Variants in FAT3 observed in about 807,000 individuals in gnomAD.
FAT3 encodes protocadherin Fat 3.
In FAT3, 95 loss-of-function variants were observed where a neutral mutation model predicts 310.2. That is an observed-to-expected ratio of 0.31 (90% CI 0.26 to 0.36). The LOEUF (loss-of-function observed/expected upper bound fraction) is 0.36, where lower values mean the gene tolerates loss of function less well. FAT3 is among the 10% of genes least tolerant of loss of function. The pLI is 1.00. For synonymous variants in FAT3, 2,314 were observed against 2,192.9 expected (o/e 1.06, Z -1.54); for missense variants, 5,408 against 5,715.6 (o/e 0.95, Z 1.74).
In FAT3 at chr11:92,563,047, T is replaced by G. The variant is rs559985270; in HGVS notation, c.3607+38099T>G. 2.6e-5 allele frequency among the ~76,000 whole-genome samples: 4 copies of G among 152,262 alleles called. No homozygotes were observed. The East Asian group carries it at 7.7e-4, about 29-fold the overall frequency. On this transcript the variant is annotated intron_variant, in intron 3 of 27. Coordinates refer to ENST00000525166, the MANE Select transcript of FAT3 (RefSeq NM_001367949.2). ...TAGTACATATGAATTGAAAAAAATT[T>G]TTTGAACAGCTTTGAATTTGGGGCC... is the stretch of plus-strand genomic sequence containing the variant.
chr11:92,411,107 T>A (rs952143969), intron 2 of FAT3, among the ~76,000 whole-genome samples: 14 of 35,482 alleles, frequency 3.9e-4, no homozygotes, highest in African/African-American at 8.7e-4. Flanking sequence ...ATATTATATA[T>A]AAAAATATAT....
rs747839668 is a variant in FAT3 at position 92,352,192 on chromosome 11, C to T, written c.80C>T (p.Ala27Val). Residue 27 changes from alanine to valine, a missense_variant, in exon 2 of 28, where the codon GCC (alanine) becomes GTC (valine). This residue lies in a region of FAT3 where 152 missense variants were observed against 188.3 expected (regional missense o/e 0.81). Coordinates refer to ENST00000525166, the MANE Select transcript of FAT3 (RefSeq NM_001367949.2). ...ATCCTCCTGCTTTTCAAGCTTTTGG[C>T]CACTGTCTCCCAGGGGCTGCCAGGG... ...CLILLLFKLL[A>V]TVSQGLPGTG... is the part of the protein sequence containing the mutation. 7.3e-7 allele frequency: 1 copy of T among 1,374,654 alleles called. No homozygotes were observed. The highest frequency in any genetic ancestry group is 9.7e-7 in the Non-Finnish European group (1 of 1,027,056). The allele number at this position is 1,374,654 out of a possible 1,614,324, so 85.2% of individuals were successfully genotyped here. A position where few individuals can be genotyped will look rare whatever the true frequency, so the allele number is the denominator to read the frequency against.
intron 1 of FAT3, chr11:92,336,073 A>T: frequency 2.0e-6 from 1 of 511,580 alleles, no homozygotes; most frequent in South Asian, 1.5e-5. Context: ...CTGGGGTTGA[A>T]GCAGTTGGAT....
At chr11:92,442,231 A>G (rs1402518444) in intron 2 of FAT3, among the ~76,000 whole-genome samples, 2 of 145,398 alleles carry the variant, frequency 1.4e-5, no homozygotes, top group Non-Finnish European at 3.0e-5. Context: ...TCCCTGCCTC[A>G]GCCTCCTGAG....
intron 3 of FAT3, among the ~76,000 whole-genome samples, chr11:92,545,171 T>C (rs1954575907): frequency 6.6e-6 from 1 of 152,152 alleles, no homozygotes; most frequent in Admixed American, 6.5e-5. Flanking sequence ...TTGATGTCCA[T>C]GTAACTGGTC....
intron 3 of FAT3, among the ~76,000 whole-genome samples, chr11:92,539,274 A>G (rs954522254): frequency 5.3e-5 from 8 of 152,188 alleles, no homozygotes; most frequent in African/African-American, 1.9e-4. Flanking sequence ...ATATTTAAGT[A>G]TTTTTATTGC....
At chr11:92,846,728 A>G (rs1368762657) in intron 19 of FAT3, among the ~76,000 whole-genome samples, 1 of 152,200 alleles carries the variant, frequency 6.6e-6, no homozygotes, top group East Asian at 1.9e-4. Flanking sequence ...AGAATGCCAG[A>G]AGGTTTTGTG....
At chr11:92,449,461 G>T (rs1951299466) in intron 2 of FAT3, among the ~76,000 whole-genome samples, 1 of 152,024 alleles carries the variant, frequency 6.6e-6, no homozygotes. Flanking sequence ...AGAGCTGAGT[G>T]CAGTATACCT....
chr11:92,792,895 T>C lies in FAT3; in HGVS notation c.4740T>C (p.Ala1580=), dbSNP rs756228406. The C allele has an allele frequency of 1.2e-6, 2 of 1,613,844 alleles. No homozygotes were observed. Among genetic ancestry groups the C allele is most frequent in the East Asian group, 2.2e-5 (1 of 44,866 alleles). ...LYEASVFESA[A]LGSAVLQVTA... ...AAGCGTCTGTGTTTGAATCTGCTGCTCTGGGATCAGCTGTTCTGCAAGTGA... is the reference window on the plus strand; with the variant it reads ...AAGCGTCTGTGTTTGAATCTGCTGCCCTGGGATCAGCTGTTCTGCAAGTGA... The change falls in exon 9 of 28, where the codon GCT becomes GCC. Residue 1580 remains alanine, a synonymous_variant. Coordinates refer to ENST00000525166, the MANE Select transcript of FAT3 (RefSeq NM_001367949.2).
chr11:92,833,602 G>A (rs11020071), intron 14 of FAT3, among the ~76,000 whole-genome samples: 2,370 of 152,152 alleles, frequency 0.016, 68 homozygotes, highest in African/African-American at 0.053. Context: ...TATACTGTAG[G>A]GATACCAAAA....
chr11:92,629,597 G>A (rs1217611285), intron 3 of FAT3, among the ~76,000 whole-genome samples: 1 of 151,864 alleles, frequency 6.6e-6, no homozygotes, highest in Non-Finnish European at 1.5e-5. Flanking sequence ...TCTTTGTAGA[G>A]ATTGATTCTC....
chr11:92,462,420 G>T (rs1230851070), intron 2 of FAT3, among the ~76,000 whole-genome samples: 4 of 152,074 alleles, frequency 2.6e-5, no homozygotes, highest in African/African-American at 9.7e-5. Flanking sequence ...AGAACATGTG[G>T]TATTTGGTTT....
At chr11:92,742,072 G>A (rs1390407650) in intron 4 of FAT3, among the ~76,000 whole-genome samples, 2 of 152,210 alleles carry the variant, frequency 1.3e-5, no homozygotes, top group Non-Finnish European at 2.9e-5. Flanking sequence ...ACATGTGCTG[G>A]ATGCTGCCAG....
At chr11:92,617,185 C>CT (rs374055905) in intron 3 of FAT3, among the ~76,000 whole-genome samples, 1 of 152,124 alleles carries the variant, frequency 6.6e-6, no homozygotes, top group African/African-American at 2.4e-5. Flanking sequence ...TCTTTTTACT[C>CT]TTTTTTCTCT....
intron 4 of FAT3, among the ~76,000 whole-genome samples, chr11:92,707,622 C>T (rs900665694): frequency 3.9e-5 from 6 of 152,140 alleles, no homozygotes; most frequent in Admixed American, 6.5e-5. Flanking sequence ...ATCCTAGGAG[C>T]CCAGACTGGC....
intron 7 of FAT3, among the ~76,000 whole-genome samples, chr11:92,777,752 G>A (rs1225415889): frequency 6.6e-6 from 1 of 152,050 alleles, no homozygotes; most frequent in Non-Finnish European, 1.5e-5. Context: ...TTCTTGTTTG[G>A]AGGTGCCAAT....
intron 3 of FAT3, among the ~76,000 whole-genome samples, chr11:92,538,236 C>A (rs1954324755): frequency 6.6e-6 from 1 of 152,084 alleles, no homozygotes; most frequent in Admixed American, 6.6e-5. Context: ...ACCTGTTGAA[C>A]AAGATCTGCA....
chr11:92,578,166 G>A (rs1432338836), intron 3 of FAT3, among the ~76,000 whole-genome samples: 1 of 152,000 alleles, frequency 6.6e-6, no homozygotes, highest in African/African-American at 2.4e-5. Context: ...GTTCCAGAAA[G>A]TAACAATTTG....
intron 3 of FAT3, among the ~76,000 whole-genome samples, chr11:92,588,601 G>A (rs967696454): frequency 8.5e-5 from 13 of 152,128 alleles, no homozygotes; most frequent in Admixed American, 7.9e-4. Context: ...GAGGAAAATG[G>A]GTATTTATTC....
Sources: gnomAD v4.1 joint callset for allele counts (sites outside exome capture counted in the v4.1 genomes callset) on GRCh38, gnomAD v4.1.1 for gene constraint, gnomAD v4.1.1 regional missense constraint, MANE v1.5 for transcripts, NCBI Gene and HGNC (gene_info 2026-07-23, HGNC 2026-07-21) for gene names.